Variants in USP34 observed in about 807,000 individuals in gnomAD.
USP34 encodes the protein ubiquitin carboxyl-terminal hydrolase 34.
Under a neutral mutation model 460.3 loss-of-function variants are expected in USP34, and 70 were observed. That is an observed-to-expected ratio of 0.15 (90% CI 0.13 to 0.19). USP34 has a LOEUF of 0.19. Ranked by LOEUF, USP34 falls within the 10% of genes least tolerant of loss-of-function variation. USP34 has a pLI of 1.00. For synonymous variants in USP34, 1,647 were observed against 1,405.3 expected (o/e 1.17, Z -3.85); for missense variants, 3,985 against 4,236.2 (o/e 0.94, Z 1.65).
At position 61,343,996 on chromosome 2, in the gene USP34, A is replaced by G. The variant is rs1182800379; in HGVS notation, c.2319T>C (p.Asp773=). 6.2e-7 allele frequency: 1 copy of G among 1,613,900 alleles called. No individual in the cohort carries two copies. The highest frequency in any genetic ancestry group is 2.2e-5 in the East Asian group (1 of 44,812). The part of the protein sequence containing the change: ...HMVDDMLSAD[D]VSCSSSQVSA... ...TAACCTGGGAGCTACTACAACTGAC[A>G]TCATCTGCACTTAGCATATCATCAA... Residue 773 remains aspartate, a synonymous_variant, in exon 16 of 80, where the codon GAT becomes GAC. Coordinates refer to ENST00000398571, the MANE Select transcript of USP34 (RefSeq NM_014709.4).
chr2:61,409,317 C>T (rs1477921578), intron 2 of USP34, among the ~76,000 whole-genome samples: 1 of 152,202 alleles, frequency 6.6e-6, no homozygotes, highest in Non-Finnish European at 1.5e-5. Flanking sequence ...GAGGCTGAGG[C>T]AGGCAGATCA....
rs1362350514 is a variant in USP34, at chr2:61,188,118, T to C, written c.10625A>G (p.Asn3542Ser). The C allele has an allele frequency of 1.2e-6, 2 of 1,612,452 alleles. No individual in the cohort carries two copies. The highest frequency in any genetic ancestry group is 8.5e-7 in the Non-Finnish European group (1 of 1,179,052). ...CACCTAATGTCAAGAAGCAGCTTGG[T>C]TTCCTTTGCCAGATATCCTTGTGAC... is the stretch of plus-strand genomic sequence containing the variant. ...HVVTRISGKG[N>S]QAAS Residue 3542 changes from asparagine (N) to serine (S), a missense_variant, in exon 80 of 80, where the codon AAC becomes AGC. Asn to Ser is a conservative substitution (Grantham distance 46). Around this residue, in one of 14 missense-constraint regions of USP34, gnomAD observed 506 missense variants for 439.0 expected, o/e 1.15. Transcript: ENST00000398571.
intron 2 of USP34, among the ~76,000 whole-genome samples, chr2:61,419,845 G>T (rs1165910497): frequency 6.6e-6 from 1 of 152,124 alleles, no homozygotes; most frequent in East Asian, 1.9e-4. Context: ...TAATGCAACA[G>T]CAACCACTCC....
chr2:61,222,486 C>T, intron 65 of USP34, 133 bp downstream of exon 65: 2 of 645,126 alleles, frequency 3.1e-6, no homozygotes, highest in Non-Finnish European at 5.4e-6. Context: ...TCACATTATA[C>T]ACTTAAAAAT....
chr2:61,444,621 A>C (rs895480125), intron 1 of USP34, among the ~76,000 whole-genome samples: 1 of 152,204 alleles, frequency 6.6e-6, no homozygotes, highest in Non-Finnish European at 1.5e-5. Flanking sequence ...TTAACTACTG[A>C]AGACAAAAAC....
intron 1 of USP34, among the ~76,000 whole-genome samples, chr2:61,423,577 C>G (rs192948504): frequency 1.3e-5 from 2 of 152,264 alleles, no homozygotes; most frequent in Admixed American, 1.3e-4. Context: ...ATCCCACATT[C>G]ACTGGTTGGA....
intron 48 of USP34, 72 bp from the exon 49 acceptor site, chr2:61,248,755 C>T: frequency 1.5e-6 from 2 of 1,364,534 alleles, no homozygotes; most frequent in East Asian, 2.4e-5. Context: ...TTCTGTTATG[C>T]TATATCCATT....
At chr2:61,465,318 G>C (rs1355490334) in intron 1 of USP34, among the ~76,000 whole-genome samples, 1 of 152,166 alleles carries the variant, frequency 6.6e-6, no homozygotes, top group Admixed American at 6.6e-5. Context: ...TGTTTCCACA[G>C]TGAAAGTTTA....
intron 10 of USP34, among the ~76,000 whole-genome samples, chr2:61,362,776 G>A (rs1490340435): frequency 1.3e-5 from 2 of 152,176 alleles, no homozygotes; most frequent in African/African-American, 2.4e-5. Context: ...TGGTAACCAT[G>A]TGAGGTAATA....
Position 61,349,232 on chromosome 2 carries a change from T to C in USP34, c.1543+18A>G. On this transcript the variant is annotated intron_variant, in intron 13 of 79. Transcript: ENST00000398571. ...AAAACTAAGTCATGTTGCCATGAAT[T>C]TCTAAGGCTCAACTTACAAGGTGAT... 6.2e-7 allele frequency: 1 copy of C among 1,608,284 alleles called. No individual in the cohort carries two copies. Among genetic ancestry groups the C allele is most frequent in the South Asian group, 1.1e-5 (1 of 89,316 alleles).
intron 51 of USP34, among the ~76,000 whole-genome samples, chr2:61,244,155 C>CA (rs1189677061): frequency 3.3e-5 from 5 of 151,670 alleles, no homozygotes; most frequent in South Asian, 2.1e-4. Context: ...ATGGTTAAGT[C>CA]AAAAAAACAA....
chr2:61,366,421 A>G (rs1193655366), intron 10 of USP34, among the ~76,000 whole-genome samples: 1 of 152,210 alleles, frequency 6.6e-6, no homozygotes, highest in African/African-American at 2.4e-5. Flanking sequence ...TCTATAAAGT[A>G]TGATTCTTTC....
At chr2:61,415,624 C>T (rs1694172017) in intron 2 of USP34, among the ~76,000 whole-genome samples, 1 of 152,118 alleles carries the variant, frequency 6.6e-6, no homozygotes, top group Non-Finnish European at 1.5e-5. Flanking sequence ...AAACCAACAT[C>T]TCAAAAAGCT....
chr2:61,302,237 C>G (rs1690251071), intron 27 of USP34, among the ~76,000 whole-genome samples: 1 of 152,154 alleles, frequency 6.6e-6, no homozygotes, highest in African/African-American at 2.4e-5. Context: ...TAGAAAAACT[C>G]CACTGAACAG....
chr2:61,275,616 C>T (rs1689350041), intron 41 of USP34, among the ~76,000 whole-genome samples: 1 of 128,146 alleles, frequency 7.8e-6, no homozygotes, highest in Non-Finnish European at 1.8e-5. Flanking sequence ...AGACCCTGTC[C>T]CTTTTTTTTT....
intron 1 of USP34, among the ~76,000 whole-genome samples, chr2:61,468,978 G>A (rs573160628): frequency 6.6e-6 from 1 of 152,190 alleles, no homozygotes; most frequent in Non-Finnish European, 1.5e-5. Context: ...GGAGGCCGAG[G>A]CAGGCGGATC....
At chr2:61,373,262 GAT>G (rs1406443449) in intron 8 of USP34, among the ~76,000 whole-genome samples, 1 of 151,296 alleles carries the variant, frequency 6.6e-6, no homozygotes, top group African/African-American at 2.4e-5. Context: ...AGAGAAACAA[GAT>G]ATGAGATACA....
chr2:61,423,270 C>T (rs1369422030), intron 1 of USP34, among the ~76,000 whole-genome samples: 1 of 152,036 alleles, frequency 6.6e-6, no homozygotes, highest in Admixed American at 6.6e-5. Context: ...CCCACCATCA[C>T]GCCTGGCTAG....
chr2:61,222,548 T>C, intron 65 of USP34, 71 bp downstream of exon 65: 2 of 1,258,610 alleles, frequency 1.6e-6, no homozygotes, highest in South Asian at 1.3e-5. Context: ...CGAGAACAAT[T>C]AGGCTCATTT....
Sources: allele counts gnomAD v4.1 joint callset (sites outside exome capture counted in the v4.1 genomes callset), GRCh38; gene constraint gnomAD v4.1.1; regional missense constraint gnomAD v4.1.1; transcripts MANE v1.5; gene names NCBI Gene and HGNC (gene_info 2026-07-23, HGNC 2026-07-21).